The following RPP14 variants were observed in gnomAD, a reference collection of about 807,000 sequenced individuals.
The protein encoded by RPP14 is ribonuclease P protein subunit p14.
Under a neutral mutation model 17.8 loss-of-function variants are expected in RPP14, and 19 were observed. That is an observed-to-expected ratio of 1.07 (90% CI 0.74 to 1.57). The LOEUF is 1.57. Among genes scored for constraint, RPP14 ranks in the 40% most tolerant of loss-of-function variants. RPP14 has a pLI of 0.00. For synonymous variants in RPP14, 60 were observed against 56.4 expected (o/e 1.06, Z -0.29); for missense variants, 125 against 140.8 (o/e 0.89, Z 0.57).
chr3:58,306,577 C>G (rs1189387059), intron 1 of RPP14, 160 bp downstream of exon 1: 6 of 152,076 alleles, frequency 3.9e-5, no homozygotes, highest in African/African-American at 1.5e-4. Context: ...GGGTCTCGGC[C>G]GCAGAACGTG....
rs918518339 is a variant in RPP14 at position 58,313,966 on chromosome 3, T to G, written c.163-2549T>G. ...CTTTGGGAAGCCAGGGCAGGAAGAT[T>G]GCTTGAGGCCAGGAGTTTGAGGCTG... is the stretch of plus-strand genomic sequence containing the variant. On this transcript the variant is annotated intron_variant, in intron 3 of 5. Coordinates refer to ENST00000295959, the MANE Select transcript of RPP14 (RefSeq NM_007042.6). Among the ~76,000 whole-genome samples, 6 of 152,276 alleles carry G rather than the reference T, an allele frequency of 3.9e-5. No homozygotes were observed. In the East Asian group the frequency reaches 9.6e-4, roughly 24 times the overall value.
intron 1 of RPP14, among the ~76,000 whole-genome samples, chr3:58,309,718 TG>T (rs2097479986): frequency 6.6e-6 from 1 of 152,204 alleles, no homozygotes; most frequent in South Asian, 2.1e-4. Flanking sequence ...GGTGAAACCC[TG>T]TCTCTACTAA....
intron 3 of RPP14, among the ~76,000 whole-genome samples, chr3:58,311,636 T>TA (rs912601957): frequency 7.9e-5 from 12 of 152,200 alleles, no homozygotes; most frequent in East Asian, 1.9e-4. Flanking sequence ...TTTTTTTTTT[T>TA]ATCCATTGAT....
rs898680801 is a variant in RPP14, at chr3:58,316,594, A to G, written c.239+3A>G. 4 of 1,612,500 alleles carry G rather than the reference A, an allele frequency of 2.5e-6. No individual in the cohort carries two copies. The highest frequency in any genetic ancestry group is 3.4e-6 in the Non-Finnish European group (4 of 1,178,674). ...GCCATCTTGAGAATATGTAGCAGGT[A>G]TGACAGAGAGTGGGAAATTTCTAGT... On this transcript the variant is annotated splice_donor_region_variant and intron_variant, in intron 4 of 5. Transcript: ENST00000295959.
intron 1 of RPP14, among the ~76,000 whole-genome samples, chr3:58,308,258 A>G (rs1036923107): frequency 2.6e-5 from 4 of 151,982 alleles, no homozygotes; most frequent in Admixed American, 2.6e-4. Context: ...TTGAATACCT[A>G]CTTTGTGTCA....
chr3:58,307,152 G>C (rs896584933), intron 1 of RPP14, among the ~76,000 whole-genome samples: 1 of 152,356 alleles, frequency 6.6e-6, no homozygotes, highest in South Asian at 2.1e-4. Flanking sequence ...GTGGTGGCGG[G>C]GATTGAGCGG....
At chr3:58,310,165 C>T (rs1207582957) in intron 1 of RPP14, 144 bp from the exon 2 acceptor site, 1 of 619,870 alleles carries the variant, frequency 1.6e-6, no homozygotes, top group East Asian at 2.8e-5. Context: ...TCTGATTGTA[C>T]CACTGCACTT....
intron 3 of RPP14, among the ~76,000 whole-genome samples, chr3:58,311,073 C>T (rs968766668): frequency 6.6e-6 from 1 of 151,822 alleles, no homozygotes; most frequent in Admixed American, 6.6e-5. Flanking sequence ...TCCTCTCTAC[C>T]CTCCTACCCT....
intron 1 of RPP14, chr3:58,307,883 T>C (rs564337093): frequency 6.7e-6 from 1 of 150,208 alleles, no homozygotes; most frequent in Admixed American, 6.7e-5. Context: ...TTTTTTTTAA[T>C]TGCAAAAAAT....
intron 1 of RPP14, among the ~76,000 whole-genome samples, chr3:58,309,844 A>T (rs1457409350): frequency 6.6e-6 from 1 of 152,142 alleles, no homozygotes; most frequent in East Asian, 1.9e-4. Flanking sequence ...GTGAGCCAAG[A>T]TTGTGCCACT....
At chr3:58,307,436 A>C (rs561704626) in intron 1 of RPP14, among the ~76,000 whole-genome samples, 178 of 152,102 alleles carry the variant, frequency 1.2e-3, no homozygotes, top group African/African-American at 4.0e-3. Context: ...AAAAAGGCTG[A>C]CTCTAGGCCG....
chr3:58,315,202 T>C (rs1287854453), intron 3 of RPP14, among the ~76,000 whole-genome samples: 1 of 152,118 alleles, frequency 6.6e-6, no homozygotes, highest in Non-Finnish European at 1.5e-5. Context: ...TGGAATATAC[T>C]CGACAGTGAA....
intron 1 of RPP14, among the ~76,000 whole-genome samples, chr3:58,306,887 T>TA (rs1377178634): frequency 6.6e-6 from 1 of 152,070 alleles, no homozygotes; most frequent in Non-Finnish European, 1.5e-5. Flanking sequence ...ATAAACGAGT[T>TA]ACATAATTGT....
Position 58,320,094 on chromosome 3 carries a change from C to A in RPP14, c.*2598C>A, listed in dbSNP as rs1473718421. 6.6e-6 allele frequency: 1 copy of A among 151,984 alleles called. No homozygotes were observed. Among genetic ancestry groups the A allele is most frequent in the Non-Finnish European group, 1.5e-5 (1 of 68,002 alleles). The allele number at this position is 151,984 out of a possible 1,614,324, so 9.4% of individuals were successfully genotyped here. On this transcript the variant is annotated 3_prime_UTR_variant, in exon 6 of 6. Coordinates refer to ENST00000295959, the MANE Select transcript of RPP14 (RefSeq NM_007042.6). ...ATGTATGATCCTTTGGAACTGGCTT[C>A]TTTGATATAGCATGTTTTCAGGGTT...
intron 3 of RPP14, among the ~76,000 whole-genome samples, 197 bp from the exon 4 acceptor site, chr3:58,316,318 T>TG (rs2097488239): frequency 2.0e-5 from 3 of 152,222 alleles, no homozygotes; most frequent in Admixed American, 2.0e-4. Flanking sequence ...ATGAGAGACA[T>TG]CAGCCATATG....
At position 58,316,562 on chromosome 3, in the gene RPP14, C is replaced by G. The variant is rs745726768; in HGVS notation, c.210C>G (p.Thr70=). ...ACATCCTAACCTATGAAGAGAAGAC[C>G]TTGTCAGCCATCTTGAGAATATGTA... is the stretch of plus-strand genomic sequence containing the variant. The part of the protein sequence containing the change: ...PLDILTYEEK[T]LSAILRICSS... Residue 70 remains threonine (T), a synonymous_variant, in exon 4 of 6, where the codon ACC becomes ACG. Coordinates refer to ENST00000295959, the MANE Select transcript of RPP14 (RefSeq NM_007042.6). 1.9e-6 allele frequency: 3 copies of G among 1,614,058 alleles called. No individual in the cohort carries two copies. Among genetic ancestry groups the G allele is most frequent in the South Asian group, 2.2e-5 (2 of 91,078 alleles).
At chr3:58,310,090 C>T (rs1356855354) in intron 1 of RPP14, 2 of 519,372 alleles carry the variant, frequency 3.9e-6, no homozygotes, top group Non-Finnish European at 6.9e-6. Flanking sequence ...CTCCCAGCTA[C>T]TCAGGAGTCT....
chr3:58,312,284 CAG>C (rs1458311961), intron 3 of RPP14, among the ~76,000 whole-genome samples: 2 of 149,170 alleles, frequency 1.3e-5, no homozygotes, highest in Non-Finnish European at 1.5e-5. Flanking sequence ...TTTTTTGAGA[CAG>C]AGTCTCGCTC....
intron 3 of RPP14, 87 bp downstream of exon 3, chr3:58,310,678 A>C (rs1354697699): frequency 8.7e-7 from 1 of 1,148,090 alleles, no homozygotes; most frequent in Non-Finnish European, 1.3e-6. Flanking sequence ...CACGCCTGTA[A>C]TCCCAGCACT....
Sources: gnomAD v4.1 joint callset for allele counts (sites outside exome capture counted in the v4.1 genomes callset) on GRCh38, gnomAD v4.1.1 for gene constraint, MANE v1.5 for transcripts, NCBI Gene and HGNC (gene_info 2026-07-23, HGNC 2026-07-21) for gene names.